The following UBR1 variants were observed in gnomAD, a reference collection of about 807,000 sequenced individuals.
UBR1 encodes the protein E3 ubiquitin-protein ligase UBR1.
In UBR1, 102 loss-of-function variants were observed where a neutral mutation model predicts 242.1. The observed-to-expected ratio is 0.42, with a 90% CI of 0.36 to 0.50. UBR1 has a LOEUF of 0.50. UBR1 is among the 20% of genes least tolerant of loss of function. UBR1 has a pLI of 0.01. For synonymous variants in UBR1, 675 were observed against 684.8 expected, an observed-to-expected ratio of 0.99 and a Z score of 0.22; for missense variants, 1,772 against 2,101.8, an observed-to-expected ratio of 0.84 and a Z score of 3.07.
At chr15:42,949,179 A>T (rs1189270986) in intron 46 of UBR1, among the ~76,000 whole-genome samples, 1 of 151,004 alleles carries the variant, frequency 6.6e-6, no homozygotes, top group Non-Finnish European at 1.5e-5. Flanking sequence ...TATTGCAAGG[A>T]CAAAAAACCA....
intron 1 of UBR1, among the ~76,000 whole-genome samples, 169 bp from the exon 2 acceptor site, chr15:43,086,409 A>T (rs1359147014): frequency 6.6e-6 from 1 of 151,524 alleles, no homozygotes; most frequent in Non-Finnish European, 1.5e-5. Flanking sequence ...CTTGGAAATA[A>T]GCAACTGCTC....
chr15:42,959,966 A>T (rs2031987068), intron 43 of UBR1, among the ~76,000 whole-genome samples: 1 of 152,184 alleles, frequency 6.6e-6, no homozygotes, highest in African/African-American at 2.4e-5. Flanking sequence ...TTGTTTATAG[A>T]TGTGATTCAA....
In UBR1 at chr15:42,970,541, T is replaced by C. The variant is rs1277702112; in HGVS notation, c.4436A>G (p.Glu1479Gly). Residue 1479 changes from glutamate (E) to glycine (G), a missense_variant, in exon 40 of 47, where the codon GAA becomes GGA. Transcript: ENST00000290650. ...TCACCCACTTGTATATTGAGAAATT[T>C]CTGCAAAGAAAGAAGATGCGGAATG... Reference protein sequence around the residue: ...EAHSASSFFAEISQYTSGSIG... With the variant: ...EAHSASSFFAGISQYTSGSIG... The C allele has an allele frequency of 6.2e-7, 1 of 1,613,536 alleles. No individual in the cohort carries two copies. Among genetic ancestry groups the C allele is most frequent in the Non-Finnish European group, 8.5e-7 (1 of 1,179,988 alleles).
chr15:43,051,416 TATCAGAG>T (rs2033553444), intron 12 of UBR1, among the ~76,000 whole-genome samples: 1 of 152,186 alleles, frequency 6.6e-6, no homozygotes, highest in Non-Finnish European at 1.5e-5. Flanking sequence ...CACTGGGGTC[TATCAGAG>T]GATTGAGGTT....
intron 19 of UBR1, among the ~76,000 whole-genome samples, chr15:43,033,648 C>A (rs1475282976): frequency 6.6e-6 from 1 of 151,700 alleles, no homozygotes; most frequent in Non-Finnish European, 1.5e-5. Flanking sequence ...AGCGAGACTT[C>A]GTCTCAAAAA....
intron 5 of UBR1, among the ~76,000 whole-genome samples, chr15:43,068,828 C>T (rs557939747): frequency 1.4e-4 from 22 of 152,242 alleles, no homozygotes; most frequent in African/African-American, 5.1e-4. Flanking sequence ...ACCATGTTGG[C>T]CAAGCTGCTC....
intron 35 of UBR1, among the ~76,000 whole-genome samples, chr15:42,986,205 A>G (rs146056091): frequency 1.4e-3 from 206 of 152,248 alleles, no homozygotes; most frequent in Non-Finnish European, 2.3e-3. Flanking sequence ...CTATTATCCT[A>G]TGCCAATGCA....
At chr15:43,017,352 G>A (rs903647725) in intron 27 of UBR1, among the ~76,000 whole-genome samples, 171 bp from the exon 28 acceptor site, 1 of 152,134 alleles carries the variant, frequency 6.6e-6, no homozygotes, top group African/African-American at 2.4e-5. Flanking sequence ...CGCCTCCCCT[G>A]GTCAATGAGC....
chr15:43,066,492 T>C (rs1200481953), intron 6 of UBR1, among the ~76,000 whole-genome samples: 1 of 152,254 alleles, frequency 6.6e-6, no homozygotes, highest in Non-Finnish European at 1.5e-5. Flanking sequence ...TTTCTAATTC[T>C]GTGAAGAACA....
intron 38 of UBR1, 39 bp downstream of exon 38, chr15:42,977,841 T>C (rs1280014947): frequency 2.0e-6 from 3 of 1,503,994 alleles, no homozygotes; most frequent in Non-Finnish European, 2.8e-6. Context: ...CAAGAAATTA[T>C]CAACATGAGT....
chr15:42,975,891 A>T (rs190974939), intron 39 of UBR1, among the ~76,000 whole-genome samples: 362 of 152,032 alleles, frequency 2.4e-3, no homozygotes, highest in African/African-American at 5.8e-3. Context: ...TTAAAAAAAA[A>T]TTTTTTTGTA....
At chr15:43,103,000 T>C (rs980291839) in intron 1 of UBR1, among the ~76,000 whole-genome samples, 7 of 152,110 alleles carry the variant, frequency 4.6e-5, no homozygotes, top group African/African-American at 1.7e-4. Flanking sequence ...AAACCCTGTC[T>C]CTACTAAAAA....
chr15:43,003,172 T>C (rs1352657354), intron 31 of UBR1: 2 of 176,858 alleles, frequency 1.1e-5, no homozygotes, highest in Non-Finnish European at 2.4e-5. Flanking sequence ...CATCCTATTC[T>C]ATTTCAAAGG....
At chr15:43,073,407 T>G (rs997509522) in intron 4 of UBR1, among the ~76,000 whole-genome samples, 1 of 152,216 alleles carries the variant, frequency 6.6e-6, no homozygotes, top group East Asian at 1.9e-4. Flanking sequence ...TTCCTTATGG[T>G]TGACAAAATG....
At chr15:43,005,572 CCA>C (rs1158879621) in intron 30 of UBR1, among the ~76,000 whole-genome samples, 1 of 152,224 alleles carries the variant, frequency 6.6e-6, no homozygotes, top group African/African-American at 2.4e-5. Context: ...TGCCCGGCCA[CCA>C]CCCCGTCTGG....
At chr15:43,012,187 A>C in intron 29 of UBR1, among the ~76,000 whole-genome samples, 1 of 151,956 alleles carries the variant, frequency 6.6e-6, no homozygotes, top group East Asian at 1.9e-4. Flanking sequence ...AGACCGTGCC[A>C]CTGCACTCCA....
At chr15:42,993,836 T>C (rs2032593353) in intron 33 of UBR1, among the ~76,000 whole-genome samples, 1 of 144,644 alleles carries the variant, frequency 6.9e-6, no homozygotes, top group Non-Finnish European at 1.5e-5. Flanking sequence ...AGACTCCATC[T>C]CAAAAAAAAA....
At chr15:43,086,715 A>C (rs566554064) in intron 1 of UBR1, among the ~76,000 whole-genome samples, 1 of 152,260 alleles carries the variant, frequency 6.6e-6, no homozygotes, top group East Asian at 1.9e-4. Flanking sequence ...GCTCTTTAAA[A>C]GAAACTGTTA....
chr15:42,948,871 C>T (rs1243039147), intron 46 of UBR1, among the ~76,000 whole-genome samples: 4 of 152,020 alleles, frequency 2.6e-5, no homozygotes, highest in South Asian at 2.1e-4. Context: ...GTCAGTGTGG[C>T]GATTCCTCAA....
Sources: allele counts gnomAD v4.1 joint callset (sites outside exome capture counted in the v4.1 genomes callset), GRCh38; gene constraint gnomAD v4.1.1; transcripts MANE v1.5; gene names NCBI Gene and HGNC (gene_info 2026-07-23, HGNC 2026-07-21).